The following DSCAML1 variants were observed in gnomAD, a reference collection of about 807,000 sequenced individuals.
DSCAML1 encodes the protein DS cell adhesion molecule like 1.
Under a neutral mutation model 200.5 loss-of-function variants are expected in DSCAML1, and 38 were observed. The observed-to-expected ratio is 0.19, with a 90% CI of 0.15 to 0.25. The LOEUF is 0.25. Ranked by LOEUF, DSCAML1 falls within the 10% of genes least tolerant of loss-of-function variation. DSCAML1 has a pLI of 1.00. For synonymous variants in DSCAML1, 1,215 were observed against 1,165.0 expected, an observed-to-expected ratio of 1.04 and a Z score of -0.87; for missense variants, 2,223 against 2,858.8, an observed-to-expected ratio of 0.78 and a Z score of 5.07.
chr11:117,741,057 T>C (rs2137840331), intron 3 of DSCAML1, among the ~76,000 whole-genome samples: 1 of 152,356 alleles, frequency 6.6e-6, no homozygotes. Context: ...ACATTTTCTT[T>C]GTTTTCTTAT....
intron 11 of DSCAML1, among the ~76,000 whole-genome samples, chr11:117,493,825 G>A (rs758357251): frequency 5.3e-5 from 8 of 151,904 alleles, no homozygotes; most frequent in African/African-American, 7.3e-5. Flanking sequence ...ATGGGATTTC[G>A]CCCGATTGCC....
intron 3 of DSCAML1, among the ~76,000 whole-genome samples, chr11:117,646,375 C>CTCA (rs2052523455): frequency 6.6e-6 from 1 of 152,120 alleles, no homozygotes; most frequent in East Asian, 1.9e-4. Flanking sequence ...CCAGAAGTGC[C>CTCA]TGATGGGAAG....
intron 19 of DSCAML1, among the ~76,000 whole-genome samples, chr11:117,456,671 C>CTTTTTTTTTTTTTTTTTTTTTTT (rs10661996): frequency 7.0e-6 from 1 of 142,138 alleles, no homozygotes. Flanking sequence ...GCAGTCATTT[C>CTTTTTTTTTTTTTTTTTTTTTTT]TTTTTTTTTT....
intron 19 of DSCAML1, among the ~76,000 whole-genome samples, chr11:117,455,468 G>A (rs1234667612): frequency 1.3e-5 from 2 of 152,160 alleles, no homozygotes; most frequent in African/African-American, 2.4e-5. Flanking sequence ...TGCATGTGGA[G>A]GTCATATTGC....
intron 1 of DSCAML1, among the ~76,000 whole-genome samples, chr11:117,807,460 AG>A: frequency 6.6e-6 from 1 of 152,324 alleles, no homozygotes; most frequent in South Asian, 2.1e-4. Context: ...AAGAGCAAGA[AG>A]GGATGAGATG....
At chr11:117,643,429 G>A (rs2052452158) in intron 3 of DSCAML1, among the ~76,000 whole-genome samples, 1 of 152,192 alleles carries the variant, frequency 6.6e-6, no homozygotes, top group Non-Finnish European at 1.5e-5. Context: ...TAGCATGGAG[G>A]AGGAAAACAC....
chr11:117,505,802 C>G lies in DSCAML1; in HGVS notation c.1784-70G>C. 1 of 1,528,918 alleles carries G rather than the reference C, an allele frequency of 6.5e-7. No individual in the cohort carries two copies. Among genetic ancestry groups the G allele is most frequent in the Non-Finnish European group, 8.8e-7 (1 of 1,139,372 alleles). 94.7% of individuals were successfully genotyped at this position (1,528,918 alleles called of 1,614,324 possible). On this transcript the variant is annotated intron_variant, in intron 8 of 32. Coordinates refer to ENST00000651296, the MANE Select transcript of DSCAML1 (RefSeq NM_020693.4). This position sits in a 1 kb window ranked among gnomAD's most constrained non-coding sequence, Gnocchi z 6.7. ...CACCTGGCCGCCAACGCCGCCTCAC[C>G]TGCCTTACCTGGGGCTCTGGGTTGG...
intron 16 of DSCAML1, among the ~76,000 whole-genome samples, chr11:117,468,299 T>C (rs1189222473): frequency 7.3e-6 from 1 of 136,178 alleles, no homozygotes; most frequent in East Asian, 2.6e-4. Flanking sequence ...AATCTGTTTC[T>C]CAATGTTAAA....
At chr11:117,474,957 G>C (rs185460310) in intron 14 of DSCAML1, among the ~76,000 whole-genome samples, 2 of 152,026 alleles carry the variant, frequency 1.3e-5, no homozygotes, top group Middle Eastern at 3.4e-3. Context: ...GGGTTTCACC[G>C]TGTTAGCCAG....
intron 3 of DSCAML1, among the ~76,000 whole-genome samples, chr11:117,738,947 A>C (rs1021908613): frequency 2.6e-5 from 4 of 152,252 alleles, no homozygotes; most frequent in African/African-American, 9.6e-5. Flanking sequence ...AGACTAGAAC[A>C]GTCCACCAGA....
chr11:117,589,972 A>G (rs1293705603), intron 3 of DSCAML1, among the ~76,000 whole-genome samples: 2 of 152,206 alleles, frequency 1.3e-5, no homozygotes, highest in Non-Finnish European at 2.9e-5. Flanking sequence ...TATTCCCTCT[A>G]TCACATCAGA....
At chr11:117,583,727 G>C (rs142873244) in intron 3 of DSCAML1, among the ~76,000 whole-genome samples, 1 of 152,194 alleles carries the variant, frequency 6.6e-6, no homozygotes, top group Non-Finnish European at 1.5e-5. Context: ...CTAGCTTTGT[G>C]ACCTGGGTCA....
intron 3 of DSCAML1, among the ~76,000 whole-genome samples, chr11:117,562,981 C>A (rs186769161): frequency 1.9e-4 from 29 of 152,314 alleles, no homozygotes; most frequent in Non-Finnish European, 7.4e-5. Context: ...CTGGAAGGAT[C>A]TGATGCAGAA....
At position 117,516,690 on chromosome 11, in the gene DSCAML1, C is replaced by T. The variant is rs755827982; in HGVS notation, c.1560G>A (p.Arg520=). Residue 520 remains arginine (R), a synonymous_variant, in exon 8 of 33, where the codon CGG becomes CGA. Transcript: ENST00000651296. This position sits in a 1 kb window ranked among gnomAD's most constrained non-coding sequence, Gnocchi z 5.7. Reference sequence around the variant, plus strand: ...TGACCCTGCAGTTGATAAGGGTGTCCCGCCCGGCGACTGCTGTGATGTTCC... The same window carrying T: ...TGACCCTGCAGTTGATAAGGGTGTCTCGCCCGGCGACTGCTGTGATGTTCC... ...AMRNITAVAG[R]DTLINCRVIG... 3 of 1,613,976 alleles carry T rather than the reference C, an allele frequency of 1.9e-6. No individual in the cohort carries two copies. Among genetic ancestry groups the T allele is most frequent in the South Asian group, 2.2e-5 (2 of 91,054 alleles).
intron 3 of DSCAML1, among the ~76,000 whole-genome samples, chr11:117,741,324 G>A (rs1245863077): frequency 1.3e-5 from 2 of 152,208 alleles, no homozygotes; most frequent in South Asian, 2.1e-4. Flanking sequence ...CTCCACATTC[G>A]ATCTCTTCTG....
chr11:117,688,990 G>A (rs2053453047), intron 3 of DSCAML1, among the ~76,000 whole-genome samples: 1 of 152,114 alleles, frequency 6.6e-6, no homozygotes, highest in South Asian at 2.1e-4. Context: ...GCAGGTCTCG[G>A]AGCAACAGAG....
intron 3 of DSCAML1, among the ~76,000 whole-genome samples, chr11:117,675,726 A>G (rs1176427924): frequency 1.3e-5 from 2 of 151,926 alleles, no homozygotes; most frequent in Non-Finnish European, 2.9e-5. Flanking sequence ...CCAAAACTGG[A>G]GCACCTCGGG....
intron 3 of DSCAML1, among the ~76,000 whole-genome samples, chr11:117,550,111 T>C (rs1283382700): frequency 1.3e-5 from 2 of 152,200 alleles, no homozygotes; most frequent in Non-Finnish European, 2.9e-5. Flanking sequence ...GCTTTCATCA[T>C]ATACTGGCCT....
intron 3 of DSCAML1, among the ~76,000 whole-genome samples, chr11:117,572,183 G>A (rs146730639): frequency 0.037 from 5,628 of 152,140 alleles, 361 homozygotes; most frequent in African/African-American, 0.13. Context: ...TTTCTTGCAC[G>A]AGATCCAAGA....
Sources: allele counts gnomAD v4.1 joint callset (sites outside exome capture counted in the v4.1 genomes callset), GRCh38; gene constraint gnomAD v4.1.1; non-coding constraint Gnocchi (gnomAD v3.1); transcripts MANE v1.5; gene names NCBI Gene and HGNC (gene_info 2026-07-23, HGNC 2026-07-21).